Variants in NAV1 observed in about 807,000 individuals in gnomAD.
The protein encoded by NAV1 is pore membrane and/or filament interacting like protein 3.
A neutral mutation model predicts 175.2 loss-of-function variants in NAV1; 18 were observed. That is an observed-to-expected ratio of 0.10 (90% CI 0.07 to 0.15). The LOEUF (loss-of-function observed/expected upper bound fraction) is 0.15. Ranked by LOEUF, NAV1 falls within the 10% of genes least tolerant of loss-of-function variation. The pLI is 1.00. For synonymous variants in NAV1, 897 were observed against 978.7 expected (o/e 0.92, Z 1.56); for missense variants, 1,731 against 2,436.6 (o/e 0.71, Z 6.10).
At chr1:201,593,663 GTTGCAATGATTGCAACA>G (rs1667272108) in intron 2 of NAV1, among the ~76,000 whole-genome samples, 1 of 152,168 alleles carries the variant, frequency 6.6e-6, no homozygotes, top group Non-Finnish European at 1.5e-5. Flanking sequence ...TCATTTGTAT[GTTGCAATGATTGCAACA>G]TTGTCATGGG....
intron 2 of NAV1, among the ~76,000 whole-genome samples, chr1:201,610,301 C>T (rs1460127859): frequency 6.6e-6 from 1 of 152,190 alleles, no homozygotes; most frequent in African/African-American, 2.4e-5. Flanking sequence ...ACCAAATCAG[C>T]GAAAGATGTC....
chr1:201,746,265 G>C (rs1316366226), intron 3 of NAV1, among the ~76,000 whole-genome samples: 1 of 152,152 alleles, frequency 6.6e-6, no homozygotes, highest in Non-Finnish European at 1.5e-5. Flanking sequence ...ATGATCTTTT[G>C]ATGATGACAA....
chr1:201,623,638 G>T, intron 1 of NAV1, 32 bp downstream of exon 3: 1 of 986,536 alleles, frequency 1.0e-6, no homozygotes, highest in Admixed American at 6.1e-5. Flanking sequence ...GAGGGAAGGG[G>T]GAAGAGCCAT....
At chr1:201,556,908 A>G (rs952072399) in intron 1 of NAV1, among the ~76,000 whole-genome samples, 31 of 152,254 alleles carry the variant, frequency 2.0e-4, no homozygotes, top group African/African-American at 7.5e-4. Context: ...GCTTAATTCT[A>G]CGGGCAAATA....
rs1019024358 is a variant in NAV1 at position 201,689,787 on chromosome 1, G to A, written c.758-23030G>A. Among the ~76,000 whole-genome samples the A allele has an allele frequency of 2.6e-5, 4 of 152,208 alleles. No individual in the cohort carries two copies. The South Asian group carries it at 6.2e-4, about 24-fold the overall frequency. On this transcript the variant is annotated intron_variant, in intron 1 of 29. Coordinates refer to ENST00000367296, the Ensembl canonical transcript of NAV1. ...AACCTAAGCTTTGAGAGAGATGTGC[G>A]ATTGGGGGAGTGCGGTGGAAGCTCT...
intron 1 of NAV1, among the ~76,000 whole-genome samples, chr1:201,546,223 G>T (rs1219424140): frequency 6.6e-6 from 1 of 152,192 alleles, no homozygotes; most frequent in East Asian, 1.9e-4. Flanking sequence ...TGGATTGCAC[G>T]GCATACCCTG....
chr1:201,550,870 G>A (rs1665833165), intron 1 of NAV1, among the ~76,000 whole-genome samples: 1 of 152,212 alleles, frequency 6.6e-6, no homozygotes, highest in Non-Finnish European at 1.5e-5. Context: ...GCAGTCACCT[G>A]ACCCAGAGGA....
chr1:201,767,815 G>A (rs1571472243), intron 3 of NAV1, among the ~76,000 whole-genome samples: 1 of 152,302 alleles, frequency 6.6e-6, no homozygotes, highest in South Asian at 2.1e-4. Context: ...TGACCTTTGG[G>A]GAAGTATGGA....
At chr1:201,708,533 C>G (rs1410144469) in intron 1 of NAV1, among the ~76,000 whole-genome samples, 1 of 152,082 alleles carries the variant, frequency 6.6e-6, no homozygotes, top group Non-Finnish European at 1.5e-5. Context: ...CTCCCAGGCC[C>G]CCAGAGTAAG....
chr1:201,544,733 T>C (rs934283128), intron 1 of NAV1, among the ~76,000 whole-genome samples: 1 of 152,244 alleles, frequency 6.6e-6, no homozygotes, highest in African/African-American at 2.4e-5. Flanking sequence ...AAATAAGTCA[T>C]GCAGAATAAG....
At chr1:201,816,457 G>A (rs1000508026) in intron 28 of NAV1, among the ~76,000 whole-genome samples, 2 of 151,852 alleles carry the variant, frequency 1.3e-5, no homozygotes, top group Admixed American at 6.6e-5. Context: ...ATAACATCAT[G>A]TTATACATCA....
At chr1:201,802,016 A>G in intron 15 of NAV1, among the ~76,000 whole-genome samples, 1 of 149,536 alleles carries the variant, frequency 6.7e-6, no homozygotes, top group East Asian at 2.0e-4. Context: ...GGGCGCCTGT[A>G]GTCCCAGCTA....
At chr1:201,697,618 T>A (rs913272536) in intron 1 of NAV1, among the ~76,000 whole-genome samples, 1 of 152,224 alleles carries the variant, frequency 6.6e-6, no homozygotes, top group Non-Finnish European at 1.5e-5. Flanking sequence ...CTGAGGCTTG[T>A]GCCAGCTCTG....
rs1370944193 is a variant in NAV1, at chr1:201,787,354, A to C, written c.2995+777A>C. Among the ~76,000 whole-genome samples, 3 of 152,194 alleles carry C rather than the reference A, an allele frequency of 2.0e-5. No individual in the cohort carries two copies. Among genetic ancestry groups the C allele is most frequent in the Non-Finnish European group, 2.9e-5 (2 of 68,032 alleles). On this transcript the variant is annotated intron_variant, in intron 9 of 29. Coordinates refer to ENST00000367296, the Ensembl canonical transcript of NAV1. The surrounding 1 kb of genome is among the most constrained non-coding windows in gnomAD (Gnocchi z 4.3). ...TCTCTTCTTTCAGCTGAGTAAAAGA[A>C]ATCAGTTAATAAAAGACAAGGACCT... is the stretch of plus-strand genomic sequence containing the variant.
chr1:201,554,913 T>C (rs1306839315), intron 1 of NAV1, among the ~76,000 whole-genome samples: 2 of 152,182 alleles, frequency 1.3e-5, no homozygotes, highest in East Asian at 1.9e-4. Context: ...TTTCCTTGCC[T>C]CTTCTAGTGT....
chr1:201,546,264 CT>C (rs1665669363), intron 1 of NAV1, among the ~76,000 whole-genome samples: 1 of 152,208 alleles, frequency 6.6e-6, no homozygotes, highest in Non-Finnish European at 1.5e-5. Context: ...TGGACCCTGG[CT>C]TTTTGTGCTC....
chr1:201,758,592 G>A (rs1184486172), intron 3 of NAV1, among the ~76,000 whole-genome samples: 1 of 152,198 alleles, frequency 6.6e-6, no homozygotes, highest in East Asian at 1.9e-4. Context: ...CAAGGTAGAA[G>A]TGACGGAGCA....
chr1:201,718,669 G>C lies in NAV1; in HGVS notation c.1140G>C (p.Ser380=). 6.2e-7 allele frequency: 1 copy of C among 1,614,180 alleles called. No individual in the cohort carries two copies. The highest frequency in any genetic ancestry group is 8.5e-7 in the Non-Finnish European group (1 of 1,180,040). ...TGGAGCTGGTCGAATCCCTGGACTC[G>C]GATGAGGTGGACCTCAAGTCCGGCT... The change falls in exon 3 of 30, where the codon TCG becomes TCC. Residue 380 remains serine, a synonymous_variant. Transcript: ENST00000367296. The surrounding 1 kb of genome is among the most constrained non-coding windows in gnomAD (Gnocchi z 4.8).
intron 3 of NAV1, among the ~76,000 whole-genome samples, chr1:201,763,294 T>C (rs927241607): frequency 1.3e-4 from 20 of 152,228 alleles, no homozygotes; most frequent in Non-Finnish European, 2.2e-4. Flanking sequence ...CTAGTAGAGA[T>C]AGAAGTACAT....
Sources: allele counts gnomAD v4.1 joint callset (sites outside exome capture counted in the v4.1 genomes callset), GRCh38; gene constraint gnomAD v4.1.1; non-coding constraint Gnocchi (gnomAD v3.1); transcripts MANE v1.5; gene names NCBI Gene and HGNC (gene_info 2026-07-23, HGNC 2026-07-21).